CREB3L2: variants seen among roughly 807,000 people sequenced by gnomAD.
CREB3L2 encodes the protein cAMP responsive element binding protein 3 like 2, also known as cyclic AMP-responsive element-binding protein 3-like protein 2.
In CREB3L2, 23 loss-of-function variants were observed where a neutral mutation model predicts 57.2. The observed-to-expected ratio is 0.40, with a 90% confidence interval of 0.29 to 0.57. The LOEUF (loss-of-function observed/expected upper bound fraction) is 0.57. Ranked by LOEUF, CREB3L2 falls within the 20% of genes least tolerant of loss-of-function variation. CREB3L2 has a pLI of 0.42. For synonymous variants in CREB3L2, 268 were observed against 265.1 expected, an observed-to-expected ratio of 1.01 and a Z score of -0.11; for missense variants, 628 against 634.7, an observed-to-expected ratio of 0.99 and a Z score of 0.11.
intron 1 of CREB3L2, chr7:137,957,768 G>A: frequency 2.3e-6 from 3 of 1,288,726 alleles, no homozygotes; most frequent in Non-Finnish European, 3.0e-6. Context: ...AAGACTGGCT[G>A]TACAAGAAGA....
At chr7:137,986,802 G>A (rs372547932) in intron 1 of CREB3L2, among the ~76,000 whole-genome samples, 3 of 152,168 alleles carry the variant, frequency 2.0e-5, no homozygotes, top group South Asian at 2.1e-4. Flanking sequence ...GGATTTCGAC[G>A]TGCCTCATGT....
At chr7:137,958,447 T>C (rs1209528486) in intron 1 of CREB3L2, among the ~76,000 whole-genome samples, 1 of 152,072 alleles carries the variant, frequency 6.6e-6, no homozygotes, top group Admixed American at 6.6e-5. Flanking sequence ...GGAGGATCGC[T>C]TGAGCTCAGG....
chr7:137,972,435 C>G (rs976818011), intron 1 of CREB3L2, among the ~76,000 whole-genome samples: 5 of 150,006 alleles, frequency 3.3e-5, no homozygotes, highest in Admixed American at 2.0e-4. Context: ...AAGACTCCAT[C>G]TCAAACAAAA....
intron 1 of CREB3L2, among the ~76,000 whole-genome samples, chr7:137,945,375 C>T (rs1179174556): frequency 6.6e-6 from 1 of 152,116 alleles, no homozygotes; most frequent in African/African-American, 2.4e-5. Context: ...AGGAAAAAAG[C>T]ATTTGCTTTT....
At position 137,876,341 on chromosome 7, in the gene CREB3L2, T is replaced by C; in HGVS notation, c.*4135A>G. ...AGGGAGGAATGTGCACGTGTGTGTG[T>C]GTGTGTGTGTGTGTGTGTGTGTGTG... On this transcript the variant is annotated 3_prime_UTR_variant, in exon 12 of 12. Transcript: ENST00000330387. The C allele has an allele frequency of 4.6e-6, 1 of 218,770 alleles. No homozygotes were observed. The highest frequency in any genetic ancestry group is 8.6e-6 in the Non-Finnish European group (1 of 116,812). The allele number at this position is 218,770 out of a possible 1,614,324, so 13.6% of individuals were successfully genotyped here. A position where few individuals can be genotyped will look rare whatever the true frequency, so the allele number is the denominator to read the frequency against.
chr7:137,946,219 T>A (rs893077875), intron 1 of CREB3L2, among the ~76,000 whole-genome samples: 1 of 152,200 alleles, frequency 6.6e-6, no homozygotes, highest in African/African-American at 2.4e-5. Flanking sequence ...ATGGCAGTCC[T>A]GTGAGTGCTG....
chr7:137,980,529 A>T lies in CREB3L2; in HGVS notation c.102+21075T>A, dbSNP rs1008600945. Among the ~76,000 whole-genome samples the T allele has an allele frequency of 3.3e-5, 5 of 152,194 alleles. No homozygotes were observed. Among genetic ancestry groups the T allele is most frequent in the Non-Finnish European group, 7.3e-5 (5 of 68,032 alleles). On this transcript the variant is annotated intron_variant, in intron 1 of 11. Coordinates refer to ENST00000330387, the MANE Select transcript of CREB3L2 (RefSeq NM_194071.4). This position sits in a 1 kb window ranked among gnomAD's most constrained non-coding sequence, Gnocchi z 4.3. ...GGGGGGCAACCCCAGGCCTAGACAA[A>T]CACAACCAGAGAAAGGGGAAGAGAA...
At position 137,876,807 on chromosome 7, in the gene CREB3L2, G is replaced by C. The variant is rs1799166107; in HGVS notation, c.*3669C>G. ...TCAATAGAACCAACTGTAGTGACTT[G>C]GGGCAGAGGAAGGGGAGGATGAAGG... On this transcript the variant is annotated 3_prime_UTR_variant, in exon 12 of 12. Coordinates refer to ENST00000330387, the MANE Select transcript of CREB3L2 (RefSeq NM_194071.4). 4.3e-6 allele frequency: 1 copy of C among 232,180 alleles called. No homozygotes were observed. The highest frequency in any genetic ancestry group is 2.2e-5 in the African/African-American group (1 of 45,248). The allele number at this position is 232,180 out of a possible 1,614,324, so 14.4% of individuals were successfully genotyped here.
intron 1 of CREB3L2, chr7:137,955,275 A>T (rs555898694): frequency 7.8e-7 from 1 of 1,289,128 alleles, no homozygotes; most frequent in Non-Finnish European, 1.0e-6. Flanking sequence ...GTTCACAGAC[A>T]GTTTCTCTAA....
chr7:137,979,658 G>A (rs932386963), intron 1 of CREB3L2, among the ~76,000 whole-genome samples: 19 of 152,112 alleles, frequency 1.2e-4, no homozygotes, highest in Non-Finnish European at 1.0e-4. Flanking sequence ...CCCGAGAGGC[G>A]GAGCTTGCAG....
chr7:137,933,183 C>G (rs564301605), intron 1 of CREB3L2, among the ~76,000 whole-genome samples: 80 of 152,332 alleles, frequency 5.3e-4, no homozygotes, highest in African/African-American at 1.9e-3. Flanking sequence ...GAAGACAAAA[C>G]TAAGTTAACA....
At position 137,879,070 on chromosome 7, in the gene CREB3L2, G is replaced by A; in HGVS notation, c.*1406C>T. On this transcript the variant is annotated 3_prime_UTR_variant, in exon 12 of 12. Coordinates refer to ENST00000330387, the MANE Select transcript of CREB3L2 (RefSeq NM_194071.4). Reference sequence around the variant, plus strand: ...TTTCCCAAGCTCGGAAAAAACACTTGAGGGTTTTCTACATTACACAATAAA... The same window carrying A: ...TTTCCCAAGCTCGGAAAAAACACTTAAGGGTTTTCTACATTACACAATAAA... 2.3e-6 allele frequency: 1 copy of A among 439,920 alleles called. No homozygotes were observed. The highest frequency in any genetic ancestry group is 4.3e-6 in the Non-Finnish European group (1 of 233,754). 27.3% of individuals were successfully genotyped at this position (439,920 alleles called of 1,614,324 possible).
intron 1 of CREB3L2, among the ~76,000 whole-genome samples, chr7:137,994,966 T>C (rs1029935504): frequency 6.6e-6 from 1 of 152,224 alleles, no homozygotes; most frequent in Non-Finnish European, 1.5e-5. Flanking sequence ...ATGATCCCAA[T>C]GGTCATGCTG....
intron 2 of CREB3L2, chr7:137,922,485 TAC>T (rs142520842): frequency 0.014 from 2,446 of 177,036 alleles, 60 homozygotes; most frequent in Middle Eastern, 0.031. Context: ...CATATATATA[TAC>T]ACACACACAC....
At chr7:137,918,864 T>A (rs1800208991) in intron 2 of CREB3L2, among the ~76,000 whole-genome samples, 1 of 152,214 alleles carries the variant, frequency 6.6e-6, no homozygotes, top group African/African-American at 2.4e-5. Flanking sequence ...GACCATTTAA[T>A]ATTCTTAATG....
chr7:137,904,661 C>G (rs1352229663), intron 6 of CREB3L2, among the ~76,000 whole-genome samples: 1 of 150,042 alleles, frequency 6.7e-6, no homozygotes, highest in Non-Finnish European at 1.5e-5. Flanking sequence ...GAGACTCCAT[C>G]TCAAAACAAA....
At chr7:137,909,836 G>A (rs77953729) in intron 4 of CREB3L2, among the ~76,000 whole-genome samples, 3,953 of 152,262 alleles carry the variant, frequency 0.026, 65 homozygotes, top group African/African-American at 0.053. Flanking sequence ...TGGTGGGAGG[G>A]ACCCAGCGGG....
chr7:137,895,589 T>C (rs1354151590), intron 8 of CREB3L2, among the ~76,000 whole-genome samples: 1 of 128,864 alleles, frequency 7.8e-6, no homozygotes, highest in Non-Finnish European at 1.5e-5. Context: ...AGATAAAAGA[T>C]CTTTTCATCT....
At chr7:137,982,237 CTT>C (rs1801723229) in intron 1 of CREB3L2, among the ~76,000 whole-genome samples, 2 of 152,320 alleles carry the variant, frequency 1.3e-5, no homozygotes, top group South Asian at 4.1e-4. Flanking sequence ...CCCAGACCCT[CTT>C]GAGGCCATAA....
Sources: gnomAD v4.1 joint callset for allele counts (sites outside exome capture counted in the v4.1 genomes callset) on GRCh38, gnomAD v4.1.1 for gene constraint, Gnocchi (gnomAD v3.1) non-coding constraint, MANE v1.5 for transcripts, NCBI Gene and HGNC (gene_info 2026-07-23, HGNC 2026-07-21) for gene names.